PTK2B: variants seen among roughly 807,000 people sequenced by gnomAD.
PTK2B encodes the protein protein-tyrosine kinase 2-beta.
PTK2B carries 71 observed loss-of-function variants against 142.9 expected under a neutral mutation model. That is an observed-to-expected ratio of 0.50 (90% CI 0.41 to 0.61). The LOEUF (loss-of-function observed/expected upper bound fraction) is 0.61, where lower values mean the gene tolerates loss of function less well. PTK2B is among the 20% of genes least tolerant of loss of function. The probability of loss-of-function intolerance (pLI) is 0.00; values close to 1 mark genes in which losing one functional copy is unlikely to be tolerated. For missense variants in PTK2B, 1,105 were observed against 1,320.4 expected (o/e 0.84, Z 2.53); for synonymous variants, 519 against 503.4 (o/e 1.03, Z -0.42).
Position 27,430,148 on chromosome 8 carries a change from C to T in PTK2B, c.607C>T (p.Leu203Phe). The T allele has an allele frequency of 6.2e-7, 1 of 1,613,266 alleles. No individual in the cohort carries two copies. Among genetic ancestry groups the T allele is most frequent in the Admixed American group, 1.7e-5 (1 of 60,026 alleles). Residue 203 changes from leucine (L) to phenylalanine (F), a missense_variant, in exon 6 of 31, where the codon CTC becomes TTC. By Grantham distance (22) the Leu-to-Phe change is conservative (BLOSUM62 0). Transcript: ENST00000346049. The stretch of plus-strand genomic sequence containing the variant: ...ACTTGACAAGAAGTCCAACTTCGAG[C>T]TCCTAGAGTAAGTTCTGGGATCACC... ...NALDKKSNFE[L>F]LEKEVGLDLF...
At chr8:27,336,487 G>A (rs530538479) in intron 1 of PTK2B, among the ~76,000 whole-genome samples, 2 of 152,306 alleles carry the variant, frequency 1.3e-5, no homozygotes, top group East Asian at 1.9e-4. Context: ...TACGTACAAT[G>A]TGTGCCTGAT....
intron 22 of PTK2B, 133 bp from the exon 23 acceptor site, chr8:27,444,073 A>C (rs2132306568): frequency 2.2e-6 from 2 of 909,998 alleles, no homozygotes; most frequent in East Asian, 2.6e-5. Context: ...AATGAGTTTC[A>C]TGACAGCTTT....
At chr8:27,329,211 C>G (rs1803591720) in intron 1 of PTK2B, among the ~76,000 whole-genome samples, 1 of 152,200 alleles carries the variant, frequency 6.6e-6, no homozygotes, top group African/African-American at 2.4e-5. Context: ...GCTAGGATTA[C>G]AGGTGTGAGC....
chr8:27,335,524 G>A (rs557782702), intron 1 of PTK2B, among the ~76,000 whole-genome samples: 3 of 151,858 alleles, frequency 2.0e-5, no homozygotes, highest in African/African-American at 4.8e-5. Context: ...CCCAGTAGGC[G>A]GAGGTTGCAG....
At chr8:27,445,454 G>A (rs1422806995) in intron 23 of PTK2B, among the ~76,000 whole-genome samples, 3 of 152,104 alleles carry the variant, frequency 2.0e-5, no homozygotes, top group Admixed American at 1.3e-4. Flanking sequence ...ATAAATTGGT[G>A]TGTTAACCAC....
intron 15 of PTK2B, 77 bp downstream of exon 15, chr8:27,436,425 T>A (rs1338145860): frequency 1.1e-5 from 15 of 1,421,256 alleles, no homozygotes; most frequent in Non-Finnish European, 1.5e-5. Context: ...CTGAGCAGGT[T>A]GGAGTTGGCA....
intron 14 of PTK2B, among the ~76,000 whole-genome samples, 180 bp from the exon 15 acceptor site, chr8:27,436,071 C>A (rs1057428526): frequency 3.9e-5 from 6 of 152,248 alleles, no homozygotes; most frequent in Middle Eastern, 3.4e-3. Context: ...GGTGATGGCT[C>A]TTCCCTGGGT....
intron 1 of PTK2B, among the ~76,000 whole-genome samples, chr8:27,392,238 G>A (rs1352609713): frequency 6.6e-6 from 1 of 151,872 alleles, no homozygotes; most frequent in Non-Finnish European, 1.5e-5. Flanking sequence ...GTGGTGATGT[G>A]CATTGGTACC....
chr8:27,402,417 T>A (rs1008308046), intron 2 of PTK2B, among the ~76,000 whole-genome samples: 4 of 152,152 alleles, frequency 2.6e-5, no homozygotes. Context: ...GCTGAGTAGA[T>A]CCTTGGATAC....
chr8:27,314,547 G>GC (rs1198132580), intron 3 of PTK2B, among the ~76,000 whole-genome samples: 1 of 152,216 alleles, frequency 6.6e-6, no homozygotes, highest in African/African-American at 2.4e-5. Context: ...TCCCCATAGG[G>GC]CGTAGGCCAA....
chr8:27,347,042 G>T (rs1000162015), intron 1 of PTK2B, among the ~76,000 whole-genome samples: 1 of 152,058 alleles, frequency 6.6e-6, no homozygotes, highest in African/African-American at 2.4e-5. Flanking sequence ...TGCCTTTCTG[G>T]CTCTCCACTT....
chr8:27,369,819 A>G (rs182571956), intron 1 of PTK2B, among the ~76,000 whole-genome samples: 33 of 152,282 alleles, frequency 2.2e-4, no homozygotes, highest in Admixed American at 8.5e-4. Context: ...TACTAAAAAT[A>G]TAGAAAAACT....
At chr8:27,440,518 T>A (rs1309617122) in intron 21 of PTK2B, 77 bp downstream of exon 21, 2 of 1,496,618 alleles carry the variant, frequency 1.3e-6, no homozygotes, top group Non-Finnish European at 9.2e-7. Flanking sequence ...ACAGAGAGGT[T>A]TGCACCACAT....
chr8:27,400,663 A>G (rs1057464724), intron 2 of PTK2B, among the ~76,000 whole-genome samples: 1 of 152,194 alleles, frequency 6.6e-6, no homozygotes, highest in Non-Finnish European at 1.5e-5. Context: ...GGATGACTCA[A>G]GCTTTTGCTT....
At chr8:27,451,382 C>T (rs188636165) in intron 26 of PTK2B, 103 bp from the exon 27 acceptor site, 1 of 1,558,610 alleles carries the variant, frequency 6.4e-7, no homozygotes, top group African/African-American at 1.3e-5. Flanking sequence ...TGGCTGTAAT[C>T]TCTAAACACA....
At position 27,433,444 on chromosome 8, in the gene PTK2B, A is replaced by G. The variant is rs765281068; in HGVS notation, c.997A>G (p.Ile333Val). 6.8e-6 allele frequency: 11 copies of G among 1,613,946 alleles called. No homozygotes were observed. In the South Asian group the frequency reaches 1.1e-4, roughly 16 times the overall value. The change falls in exon 11 of 31, where the codon ATC becomes GTC. Residue 333 changes from isoleucine (I) to valine (V), a missense_variant. By Grantham distance (29) the Ile-to-Val change is conservative. Transcript: ENST00000346049. ...GIEGAPQALS[I>V]KTSSLAEAEN... ...GGTCTCTGCTCCGCAGGCCTTGTCC[A>G]TCAAAACCTCATCCCTAGCAGAGGC... is the stretch of plus-strand genomic sequence containing the variant.
intron 5 of PTK2B, among the ~76,000 whole-genome samples, chr8:27,423,950 C>T (rs912171137): frequency 1.3e-5 from 2 of 152,162 alleles, no homozygotes; most frequent in African/African-American, 4.8e-5. Flanking sequence ...GGCAGCCCAG[C>T]TCACTGCCAT....
In PTK2B at chr8:27,434,531, G is replaced by T. The variant is rs1367908322; in HGVS notation, c.1164G>T (p.Arg388=). The change falls in exon 13 of 31, where the codon CGG becomes CGT. Residue 388 remains arginine, a synonymous_variant. Coordinates refer to ENST00000346049, the MANE Select transcript of PTK2B (RefSeq NM_173176.3). Reference sequence around the variant, plus strand: ...CCTACAGAAACCTGGAGGCCCGGCGGTCCCACCTCTCAGAGAGCTGCAGCA... The same window carrying T: ...CCTACAGAAACCTGGAGGCCCGGCGTTCCCACCTCTCAGAGAGCTGCAGCA... ...QIPMLNLEAR[R]SHLSESCSIE... 1 of 1,608,904 alleles carries T rather than the reference G, an allele frequency of 6.2e-7. No individual in the cohort carries two copies. Among genetic ancestry groups the T allele is most frequent in the Non-Finnish European group, 8.5e-7 (1 of 1,177,884 alleles).
At chr8:27,311,381 C>G, upstream of PTK2B, 4 of 1,025,648 alleles carry the variant, frequency 3.9e-6, no homozygotes, top group Non-Finnish European at 5.4e-6. Context: ...GCCAATCGTG[C>G]GGGGGGGATG....
Sources: allele counts gnomAD v4.1 joint callset (sites outside exome capture counted in the v4.1 genomes callset), GRCh38; gene constraint gnomAD v4.1.1; transcripts MANE v1.5; gene names NCBI Gene and HGNC (gene_info 2026-07-23, HGNC 2026-07-21).